UBR3: variants seen among roughly 807,000 people sequenced by gnomAD.
UBR3 encodes ubiquitin protein ligase E3 component n-recognin 3.
UBR3 carries 85 observed loss-of-function variants against 243.2 expected under a neutral mutation model. That is an observed-to-expected ratio of 0.35 (90% CI 0.29 to 0.42). UBR3 has a LOEUF of 0.42. Among genes scored for constraint, UBR3 ranks in the 10% least tolerant of loss-of-function variants. The probability of loss-of-function intolerance (pLI) is 1.00; values close to 1 mark genes in which losing one functional copy is unlikely to be tolerated. For synonymous variants in UBR3, 748 were observed against 799.8 expected, an observed-to-expected ratio of 0.94 and a Z score of 1.09; for missense variants, 1,686 against 2,300.8, an observed-to-expected ratio of 0.73 and a Z score of 5.47.
intron 32 of UBR3, among the ~76,000 whole-genome samples, chr2:170,043,386 G>GATGCAATA (rs1418824478): frequency 6.6e-6 from 1 of 152,028 alleles, no homozygotes; most frequent in Non-Finnish European, 1.5e-5. Context: ...GCTCAAAGAG[G>GATGCAATA]ATGCAATACA....
intron 30 of UBR3, among the ~76,000 whole-genome samples, chr2:170,018,210 T>C (rs1207065035): frequency 6.6e-6 from 1 of 152,190 alleles, no homozygotes; most frequent in East Asian, 1.9e-4. Flanking sequence ...CTATTTTCTT[T>C]TGTCAGCCTT....
In UBR3 at chr2:170,007,690, C is replaced by T. The variant is rs145935095; in HGVS notation, c.4230+500C>T. The stretch of plus-strand genomic sequence containing the variant: ...ACCAGCCTGACCAACATGGCAAAAC[C>T]GCATCTCTACTAAAAATACAAAAAT... On this transcript the variant is annotated intron_variant, in intron 28 of 38. Coordinates refer to ENST00000272793, the MANE Select transcript of UBR3 (RefSeq NM_172070.4). Among the ~76,000 whole-genome samples the T allele has an allele frequency of 6.4e-3, 978 of 152,086 alleles. 10 individuals carry two copies. The highest frequency in any genetic ancestry group is 0.022 in the African/African-American group (906 of 41,470).
intron 1 of UBR3, among the ~76,000 whole-genome samples, chr2:169,841,856 G>A (rs2082303763): frequency 1.3e-5 from 2 of 152,196 alleles, no homozygotes; most frequent in African/African-American, 2.4e-5. Context: ...CTTCCCCGAC[G>A]AGCACCACCC....
intron 1 of UBR3, among the ~76,000 whole-genome samples, chr2:169,842,243 G>A (rs557503100): frequency 5.3e-4 from 81 of 152,210 alleles, no homozygotes; most frequent in African/African-American, 1.7e-3. Context: ...AGCTGCTCTC[G>A]TGGGGCCTTG....
chr2:170,015,261 A>T lies in UBR3; in HGVS notation c.4368-20A>T. The T allele has an allele frequency of 6.3e-7, 1 of 1,587,696 alleles. No homozygotes were observed. The highest frequency in any genetic ancestry group is 8.6e-7 in the Non-Finnish European group (1 of 1,159,448). ...AAGAATCTTCAGTTTAATGACTGAG[A>T]TATAATGTTTTACTTACAGAACCAA... On this transcript the variant is annotated intron_variant, in intron 29 of 38. Coordinates refer to ENST00000272793, the MANE Select transcript of UBR3 (RefSeq NM_172070.4).
intron 5 of UBR3, among the ~76,000 whole-genome samples, chr2:169,881,897 AC>A: frequency 9.1e-6 from 1 of 109,342 alleles, no homozygotes; most frequent in African/African-American, 3.0e-5. Flanking sequence ...GTACATGTAT[AC>A]ATATAGGTAT....
chr2:169,924,577 A>G (rs1321011354), intron 13 of UBR3, among the ~76,000 whole-genome samples: 1 of 152,228 alleles, frequency 6.6e-6, no homozygotes, highest in Non-Finnish European at 1.5e-5. Flanking sequence ...ATTAGCTTAT[A>G]TAAGCACTGT....
At chr2:169,892,097 C>G (rs1374395131) in intron 6 of UBR3, among the ~76,000 whole-genome samples, 1 of 152,178 alleles carries the variant, frequency 6.6e-6, no homozygotes. Flanking sequence ...TATGCAGGCA[C>G]TTTGAGTTGC....
chr2:169,969,630 G>A (rs1276861546), intron 24 of UBR3, among the ~76,000 whole-genome samples: 2 of 149,444 alleles, frequency 1.3e-5, no homozygotes, highest in Admixed American at 1.3e-4. Context: ...CTCACTGCAA[G>A]CTCCACTTCC....
intron 23 of UBR3, among the ~76,000 whole-genome samples, chr2:169,951,952 C>T (rs1239486140): frequency 1.3e-5 from 2 of 151,976 alleles, no homozygotes; most frequent in Admixed American, 6.6e-5. Context: ...GGAGGGGTCC[C>T]AGGCTCATTA....
chr2:169,855,879 G>T (rs1295298312), intron 1 of UBR3, among the ~76,000 whole-genome samples: 1 of 152,224 alleles, frequency 6.6e-6, no homozygotes, highest in African/African-American at 2.4e-5. Context: ...TCCCAGACGG[G>T]GTGGCGGCCA....
chr2:169,875,753 A>C (rs2083583406), intron 2 of UBR3, 38 bp from the exon 3 acceptor site: 1 of 1,470,928 alleles, frequency 6.8e-7, no homozygotes, highest in South Asian at 1.4e-5. Flanking sequence ...TTTAAACAAA[A>C]TTACCCTTAT....
In UBR3 at chr2:170,083,881, CT is replaced by C. The variant is rs1473591292; in HGVS notation, c.*2042del. 3 of 152,506 alleles carry C rather than the reference CT, an allele frequency of 2.0e-5. No individual in the cohort carries two copies. Among genetic ancestry groups the C allele is most frequent in the Non-Finnish European group, 2.9e-5 (2 of 67,980 alleles). 9.4% of individuals were successfully genotyped at this position (152,506 alleles called of 1,614,324 possible). On this transcript the variant is annotated 3_prime_UTR_variant, in exon 39 of 39. Transcript: ENST00000272793. ...CTAGAACTTTAATTTTTCCCCATAA[CT>C]TTTATAAGTCCCATTTATAAACCCA...
At position 169,836,065 on chromosome 2, in the gene UBR3, A is replaced by ATTTTTTT. The variant is rs1558999105; in HGVS notation, c.545+8014_545+8015insTTTTTTT. Among the ~76,000 whole-genome samples the ATTTTTTT allele has an allele frequency of 3.4e-3, 95 of 27,938 alleles. 20 individuals carry two copies. Among genetic ancestry groups the ATTTTTTT allele is most frequent in the Non-Finnish European group, 5.1e-3 (78 of 15,310 alleles). The allele number at this position is 27,938 out of a possible 152,430, so 18.3% of individuals were successfully genotyped here. A position where few individuals can be genotyped will look rare whatever the true frequency, so the allele number is the denominator to read the frequency against. On this transcript the variant is annotated intron_variant, in intron 1 of 38. Transcript: ENST00000272793. ...TCTCTATATATATATATATATATAT[A>ATTTTTTT]TATTTTTTTTTTTTTTTTTTTTTTT... is the stretch of plus-strand genomic sequence containing the variant.
intron 32 of UBR3, among the ~76,000 whole-genome samples, chr2:170,044,562 A>G (rs964179565): frequency 6.6e-6 from 1 of 152,172 alleles, no homozygotes; most frequent in African/African-American, 2.4e-5. Context: ...CACTGTTTTC[A>G]GGTATTCATA....
At chr2:169,861,425 T>G (rs1246469683) in intron 1 of UBR3, among the ~76,000 whole-genome samples, 3 of 152,042 alleles carry the variant, frequency 2.0e-5, no homozygotes, top group Non-Finnish European at 4.4e-5. Context: ...CTGGCCAACA[T>G]GGTGAAACCC....
intron 1 of UBR3, among the ~76,000 whole-genome samples, chr2:169,840,572 C>T (rs935849185): frequency 1.3e-5 from 2 of 152,136 alleles, no homozygotes; most frequent in Non-Finnish European, 2.9e-5. Context: ...GGCAACCCTG[C>T]CCCCATAGCT....
rs938829448 is a variant in UBR3 at position 169,905,304 on chromosome 2, T to C, written c.1645+11T>C. 6.7e-5 allele frequency: 99 copies of C among 1,469,908 alleles called. No homozygotes were observed. Among genetic ancestry groups the C allele is most frequent in the Non-Finnish European group, 8.7e-5 (97 of 1,110,518 alleles). The allele number at this position is 1,469,908 out of a possible 1,614,324, so 91.1% of individuals were successfully genotyped here. A position where few individuals can be genotyped will look rare whatever the true frequency, so the allele number is the denominator to read the frequency against. ...TATCTTTCTTTCAAGGTATGAATTTTATCCCTTTGTTAATTTTTTGGTTTA... is the reference window on the plus strand; with the variant it reads ...TATCTTTCTTTCAAGGTATGAATTTCATCCCTTTGTTAATTTTTTGGTTTA... On this transcript the variant is annotated intron_variant, in intron 9 of 38. Coordinates refer to ENST00000272793, the MANE Select transcript of UBR3 (RefSeq NM_172070.4).
At chr2:169,870,646 T>A (rs1559041293) in intron 1 of UBR3, among the ~76,000 whole-genome samples, 1 of 152,002 alleles carries the variant, frequency 6.6e-6, no homozygotes, top group Non-Finnish European at 1.5e-5. Context: ...GAAACTGTCT[T>A]TTATTATTAT....
Sources: allele counts gnomAD v4.1 joint callset (sites outside exome capture counted in the v4.1 genomes callset), GRCh38; gene constraint gnomAD v4.1.1; transcripts MANE v1.5; gene names NCBI Gene and HGNC (gene_info 2026-07-23, HGNC 2026-07-21).